FANCA: variants seen among roughly 807,000 people sequenced by gnomAD.
FANCA encodes FA complementation group A, also known as Fanconi anemia group A protein.
A neutral mutation model predicts 194.3 loss-of-function variants in FANCA; 236 were observed. The observed-to-expected ratio is 1.21, with a 90% confidence interval of 1.09 to 1.35. FANCA has a LOEUF of 1.35. FANCA is among the 40% of genes most tolerant of loss of function. FANCA has a pLI of 0.00. For synonymous variants in FANCA, 1,014 were observed against 715.8 expected (o/e 1.42, Z -6.65); for missense variants, 2,628 against 1,813.9 (o/e 1.45, Z -8.15).
intron 6 of FANCA, among the ~76,000 whole-genome samples, chr16:89,806,943 T>G (rs1328459946): frequency 6.6e-6 from 1 of 152,080 alleles, no homozygotes; most frequent in African/African-American, 2.4e-5. Flanking sequence ...GAGGCGCCCC[T>G]CACCTCCTGG....
intron 3 of FANCA, among the ~76,000 whole-genome samples, chr16:89,813,978 A>G (rs1453427873): frequency 6.6e-6 from 1 of 152,216 alleles, no homozygotes; most frequent in Non-Finnish European, 1.5e-5. Context: ...AAATACAATC[A>G]TGGCAGTGAA....
At chr16:89,799,734 G>C in intron 8 of FANCA, 96 bp from the exon 9 acceptor site, 1 of 1,110,856 alleles carries the variant, frequency 9.0e-7, no homozygotes, top group Non-Finnish European at 1.4e-6. Flanking sequence ...TTACTCTAAA[G>C]TAAAGAAACG....
At position 89,742,835 on chromosome 16, in the gene FANCA, TCCTGATGTTTTCTTC is replaced by T. The variant is rs1375036674; in HGVS notation, c.3715_3729del (p.Glu1239_Arg1243del). The T allele has an allele frequency of 1.2e-6, 2 of 1,614,178 alleles. No individual in the cohort carries two copies. The highest frequency in any genetic ancestry group is 1.7e-6 in the Non-Finnish European group (2 of 1,180,028). On this transcript the variant is annotated inframe_deletion, in exon 37 of 43. Transcript: ENST00000389301. Reference sequence around the variant, plus strand: ...TCGCAGTCCAGCTTCTTTAGCTGCTTCCTGATGTTTTCTTCCCTGACTTGTTGAATCGCAAAGTGC... The same window carrying T: ...TCGCAGTCCAGCTTCTTTAGCTGCTTCCTGACTTGTTGAATCGCAAAGTGC...
At position 89,739,255 on chromosome 16, in the gene FANCA, T is replaced by C. The variant is rs750543279; in HGVS notation, c.4045A>G (p.Arg1349Gly). 1.2e-6 allele frequency: 2 copies of C among 1,614,142 alleles called. No individual in the cohort carries two copies. The highest frequency in any genetic ancestry group is 1.7e-6 in the Non-Finnish European group (2 of 1,180,044). ...GCAACATGCAGGAAGGCCTCTTCCCTGATGGCCGCGTCTTCATGGAAGTAG... is the reference window on the plus strand; with the variant it reads ...GCAACATGCAGGAAGGCCTCTTCCCCGATGGCCGCGTCTTCATGGAAGTAG... ...LSYFHEDAAI[R>G]EEAFLHVAVD... Residue 1349 changes from arginine (R) to glycine (G), a missense_variant, in exon 41 of 43, where the codon AGG (arginine) becomes GGG (glycine). Physicochemically the swap from Arg to Gly is moderately radical, Grantham distance 125 (BLOSUM62 -2). Coordinates refer to ENST00000389301, the MANE Select transcript of FANCA (RefSeq NM_000135.4).
intron 11 of FANCA, among the ~76,000 whole-genome samples, chr16:89,795,142 G>A (rs907077065): frequency 2.7e-5 from 4 of 149,954 alleles, no homozygotes; most frequent in Non-Finnish European, 5.9e-5. Flanking sequence ...AAAATTAGCC[G>A]GGCATGGTGG....
rs745726629 is a variant in FANCA, at chr16:89,738,085, C to T, written c.*516G>A. 5.6e-6 allele frequency: 9 copies of T among 1,613,942 alleles called. No individual in the cohort carries two copies. The highest frequency in any genetic ancestry group is 2.2e-5 in the East Asian group (1 of 44,894). ...CTTTGCCTGTGACCAGTGTGGCCGG[C>T]GGTTTGAGAAGGCCCACAACCTCAA... On this transcript the variant is annotated 3_prime_UTR_variant, in exon 43 of 43. Transcript: ENST00000389301.
Position 89,746,706 on chromosome 16 carries a change from G to C in FANCA, c.3409-18C>G. The C allele has an allele frequency of 6.2e-7, 1 of 1,612,238 alleles. No homozygotes were observed. The highest frequency in any genetic ancestry group is 1.1e-5 in the South Asian group (1 of 91,032). On this transcript the variant is annotated intron_variant, in intron 34 of 42. Transcript: ENST00000389301. ...AGGAGGCCCTGCAGGAGAGAACGCAGCAGGAGGTCAGCGGTTTGTGAGGAC... is the reference window on the plus strand; with the variant it reads ...AGGAGGCCCTGCAGGAGAGAACGCACCAGGAGGTCAGCGGTTTGTGAGGAC...
chr16:89,740,188 T>G, intron 38 of FANCA, 89 bp from the exon 39 acceptor site: 1 of 1,029,908 alleles, frequency 9.7e-7, no homozygotes, highest in Non-Finnish European at 1.5e-6. Context: ...GAAGAGGGCA[T>G]TTCCTCTTTG....
rs746256466 is a variant in FANCA at position 89,738,631 on chromosome 16, A to G, written c.4338T>C (p.Ala1446=). ...LQSRQQAAPD[A]DLSQEPHLF ...AGAGATGAGGCTCCTGGGACAGGTC[A>G]GCGTCAGGGGCAGCCTGCTGTCTGC... is the stretch of plus-strand genomic sequence containing the variant. The change falls in exon 43 of 43, where the codon GCT becomes GCC. Residue 1446 remains alanine, a synonymous_variant. Transcript: ENST00000389301. The G allele has an allele frequency of 7.4e-6, 12 of 1,613,600 alleles. No individual in the cohort carries two copies. In the East Asian group the frequency reaches 1.6e-4, roughly 21 times the overall value.
chr16:89,747,607 G>A (rs2038435206), intron 33 of FANCA, among the ~76,000 whole-genome samples: 1 of 152,134 alleles, frequency 6.6e-6, no homozygotes, highest in Non-Finnish European at 1.5e-5. Flanking sequence ...GCTGAGGCAG[G>A]AGAATCGCTT....
intron 18 of FANCA, among the ~76,000 whole-genome samples, 164 bp from the exon 19 acceptor site, chr16:89,779,167 G>T (rs564478741): frequency 6.6e-6 from 1 of 152,172 alleles, no homozygotes; most frequent in South Asian, 2.1e-4. Flanking sequence ...GCATGTGTAG[G>T]GCAGGCCGTG....
intron 3 of FANCA, 78 bp from the exon 4 acceptor site, chr16:89,811,149 T>C: frequency 3.1e-6 from 5 of 1,592,190 alleles, no homozygotes; most frequent in Non-Finnish European, 4.3e-6. Context: ...CTGTTTAAAA[T>C]GCCTTATTTT....
chr16:89,739,281 G>A lies in FANCA; in HGVS notation c.4019C>T (p.Ser1340Phe), dbSNP rs112734327. ...LLPFAFYSLL[S>F]YFHEDAAIRE... The stretch of plus-strand genomic sequence containing the variant: ...GATGGCCGCGTCTTCATGGAAGTAG[G>A]AGAGAAGACTAGAGGTAAAGACATA... The change falls in exon 41 of 43, where the codon TCC (serine) becomes TTC (phenylalanine). Residue 1340 changes from serine (S) to phenylalanine (F), a missense_variant. Transcript: ENST00000389301. 25 of 1,614,006 alleles carry A rather than the reference G, an allele frequency of 1.5e-5. No individual in the cohort carries two copies. Among genetic ancestry groups the A allele is most frequent in the Non-Finnish European group, 2.0e-5 (24 of 1,180,032 alleles).
At chr16:89,743,281 T>C (rs557715376) in intron 36 of FANCA, among the ~76,000 whole-genome samples, 1 of 152,330 alleles carries the variant, frequency 6.6e-6, no homozygotes, top group Non-Finnish European at 1.5e-5. Flanking sequence ...TGCCTGGCCC[T>C]GTGGATCAGG....
At chr16:89,799,101 T>A (rs754716888) in intron 10 of FANCA, 65 bp downstream of exon 10, 15 of 1,614,088 alleles carry the variant, frequency 9.3e-6, no homozygotes, top group Non-Finnish European at 1.2e-5. Context: ...TAAAATATCT[T>A]GGCTCTTTAA....
chr16:89,748,857 C>G lies in FANCA; in HGVS notation c.3240-90G>C, dbSNP rs888292779. ...CAGACTCTCAGAGCAGCAACCACCA[C>G]CCTGAAACCCAGGGCCACTGTTGGA... On this transcript the variant is annotated intron_variant, in intron 32 of 42. Coordinates refer to ENST00000389301, the MANE Select transcript of FANCA (RefSeq NM_000135.4). 20 of 1,064,584 alleles carry G rather than the reference C, an allele frequency of 1.9e-5. No homozygotes were observed. The African/African-American group carries it at 3.0e-4, about 16-fold the overall frequency. 65.9% of individuals were successfully genotyped at this position (1,064,584 alleles called of 1,614,324 possible).
At chr16:89,775,412 G>GT (rs2039466919) in intron 21 of FANCA, among the ~76,000 whole-genome samples, 1 of 152,204 alleles carries the variant, frequency 6.6e-6, no homozygotes. Context: ...GGGCCCCAAG[G>GT]TGGCCGCTGA....
Position 89,742,904 on chromosome 16 carries a change from T to A in FANCA, c.3661A>T (p.Asn1221Tyr), listed in dbSNP as rs748179115. Residue 1221 changes from asparagine (N) to tyrosine (Y), a missense_variant, in exon 37 of 43, where the codon AAC becomes TAC. By Grantham distance (143) the Asn-to-Tyr change is moderately radical. Transcript: ENST00000389301. ...GCAGCAGCTGAGAGCCAGTCCGGGT[T>A]GGGTGCTGGGGAGGCAGCCTCAGGG... ...LSPEAASPAP[N>Y]PDWLSAAALH... The A allele has an allele frequency of 6.2e-7, 1 of 1,614,134 alleles. No homozygotes were observed. The highest frequency in any genetic ancestry group is 8.5e-7 in the Non-Finnish European group (1 of 1,180,012).
chr16:89,742,314 C>T (rs1379887361), intron 37 of FANCA, among the ~76,000 whole-genome samples: 5 of 151,786 alleles, frequency 3.3e-5, no homozygotes, highest in African/African-American at 7.2e-5. Context: ...CAAAATTAGC[C>T]GGGCATGGTG....
Sources: gnomAD v4.1 joint callset for allele counts (sites outside exome capture counted in the v4.1 genomes callset) on GRCh38, gnomAD v4.1.1 for gene constraint, MANE v1.5 for transcripts, NCBI Gene and HGNC (gene_info 2026-07-23, HGNC 2026-07-21) for gene names.